The following AGBL5 variants were observed in gnomAD, a reference collection of about 807,000 sequenced individuals.
The protein encoded by AGBL5 is cytosolic carboxypeptidase-like protein 5.
AGBL5 carries 51 observed loss-of-function variants against 88.0 expected under a neutral mutation model. That is an observed-to-expected ratio of 0.58 (90% CI 0.46 to 0.73). The LOEUF (loss-of-function observed/expected upper bound fraction) is 0.73, where lower values mean the gene tolerates loss of function less well. Among genes scored for constraint, AGBL5 ranks in the 30% least tolerant of loss-of-function variants. The pLI is 0.00. For synonymous variants in AGBL5, 446 were observed against 438.8 expected (o/e 1.02, Z -0.21); for missense variants, 1,031 against 1,162.2 (o/e 0.89, Z 1.64).
intron 11 of AGBL5, among the ~76,000 whole-genome samples, chr2:27,066,602 G>A (rs1208432968): frequency 6.6e-6 from 1 of 152,126 alleles, no homozygotes; most frequent in Non-Finnish European, 1.5e-5. Context: ...AGTGGTAAGA[G>A]GGGAACCAAG....
In AGBL5 at chr2:27,053,180, G is replaced by A. The variant is rs777432130; in HGVS notation, c.215+7G>A. The A allele has an allele frequency of 3.8e-6, 6 of 1,576,004 alleles. No homozygotes were observed. The highest frequency in any genetic ancestry group is 1.7e-4 in the Middle Eastern group (1 of 5,906). The stretch of plus-strand genomic sequence containing the variant: ...AATTTGAGAATGGGAACAGGTATAT[G>A]GAACGAAATGGAGGGTGGAAAAAGG... On this transcript the variant is annotated splice_region_variant and intron_variant, in intron 2 of 14. Coordinates refer to ENST00000360131, the MANE Select transcript of AGBL5 (RefSeq NM_021831.6). This position sits in a 1 kb window ranked among gnomAD's most constrained non-coding sequence, Gnocchi z 4.9.
At chr2:27,051,169 G>A (rs999425227), upstream of AGBL5, 14 of 152,272 alleles carry the variant, frequency 9.2e-5, no homozygotes, top group African/African-American at 1.9e-4. Flanking sequence ...TCAGTGAACA[G>A]TGCAGTGAAC....
rs11295283 is a variant in AGBL5, at chr2:27,062,119, C to CTT, written c.2089+2735_2089+2736dup. Among the ~76,000 whole-genome samples the CTT allele has an allele frequency of 9.3e-4, 83 of 88,842 alleles. 1 individual carries two copies. The highest frequency in any genetic ancestry group is 2.3e-3 in the Admixed American group (18 of 7,882). 58.3% of individuals were successfully genotyped at this position (88,842 alleles called of 152,430 possible). A position where few individuals can be genotyped will look rare whatever the true frequency, so the allele number is the denominator to read the frequency against. ...CATGAACCACTGTGCCCATCTAGGC[C>CTT]TTTTTTTTTTTTTTTTTTTTTGAGA... is the stretch of plus-strand genomic sequence containing the variant. On this transcript the variant is annotated intron_variant, in intron 11 of 14. Transcript: ENST00000360131.
Position 27,055,685 on chromosome 2 carries a change from A to C in AGBL5, c.912A>C (p.Thr304=). The stretch of plus-strand genomic sequence containing the variant: ...TTCAGTCCTTGTTTTCCTACAGCAC[A>C]GACTCACGTGGAGTGAATCTGAACC... ...PDGVVRGHYR[T]DSRGVNLNRQ... Residue 304 remains threonine, a synonymous_variant, in exon 7 of 15, where the codon ACA becomes ACC. Coordinates refer to ENST00000360131, the MANE Select transcript of AGBL5 (RefSeq NM_021831.6). The C allele has an allele frequency of 6.2e-7, 1 of 1,611,576 alleles. No individual in the cohort carries two copies. The highest frequency in any genetic ancestry group is 1.1e-5 in the South Asian group (1 of 91,038).
chr2:27,069,817 C>T (rs1247749349), intron 14 of AGBL5, 111 bp downstream of exon 14: 1 of 1,489,914 alleles, frequency 6.7e-7, no homozygotes, highest in Non-Finnish European at 8.9e-7. Flanking sequence ...AGCACAAAGA[C>T]TAAATGTACT....
intron 11 of AGBL5, chr2:27,062,744 T>C (rs988527971): frequency 2.0e-5 from 3 of 152,056 alleles, no homozygotes; most frequent in Non-Finnish European, 4.4e-5. Flanking sequence ...ATTTGAAAAA[T>C]AGGTAAGACA....
chr2:27,055,976 T>C lies in AGBL5; in HGVS notation c.1203T>C (p.Ser401=), dbSNP rs1668409569. 1 of 1,614,210 alleles carries C rather than the reference T, an allele frequency of 6.2e-7. No individual in the cohort carries two copies. The highest frequency in any genetic ancestry group is 8.5e-7 in the Non-Finnish European group (1 of 1,180,036). The part of the protein sequence containing the change: ...QTEPAEQKLN[S]VWIMPQQSAG... ...AGCCAGCAGAACAGAAGCTCAACAG[T>C]GTGTGGATTATGCCACAACAGTCTG... Residue 401 remains serine, a synonymous_variant, in exon 7 of 15, where the codon AGT becomes AGC. Transcript: ENST00000360131.
intron 12 of AGBL5, 48 bp downstream of exon 12, chr2:27,067,694 G>A: frequency 1.3e-6 from 2 of 1,596,326 alleles, no homozygotes; most frequent in Non-Finnish European, 8.6e-7. Context: ...CCTCCTCCAT[G>A]GCCAGGCCAG....
upstream of AGBL5, chr2:27,051,064 C>G (rs1668088595): frequency 6.6e-6 from 1 of 152,238 alleles, no homozygotes; most frequent in African/African-American, 2.4e-5. Flanking sequence ...TGCTTAAGCA[C>G]ACGATTATAT....
intron 13 of AGBL5, 61 bp downstream of exon 13, chr2:27,068,805 C>G: frequency 6.3e-7 from 1 of 1,597,550 alleles, no homozygotes; most frequent in East Asian, 2.2e-5. Context: ...CACTGTTCCT[C>G]TGGGTAGTGG....
At position 27,069,494 on chromosome 2, in the gene AGBL5, A is replaced by G. The variant is rs1669168226; in HGVS notation, c.2356-79A>G. 1.1e-5 allele frequency: 18 copies of G among 1,570,292 alleles called. 1 individual carries two copies. The highest frequency in any genetic ancestry group is 6.8e-5 in the East Asian group (3 of 44,318). ...TCCCTATACTACAACACTCTTATGC[A>G]TGGAAACTCTAGAAGCAAACTAAAA... On this transcript the variant is annotated intron_variant, in intron 13 of 14. Coordinates refer to ENST00000360131, the MANE Select transcript of AGBL5 (RefSeq NM_021831.6).
Position 27,055,696 on chromosome 2 carries a change from G to A in AGBL5, c.923G>A (p.Gly308Glu). The A allele has an allele frequency of 6.2e-7, 1 of 1,613,316 alleles. No homozygotes were observed. The highest frequency in any genetic ancestry group is 8.5e-7 in the Non-Finnish European group (1 of 1,179,512). ...VRGHYRTDSRGVNLNRQYLKP... is the reference protein window; with the variant it reads ...VRGHYRTDSREVNLNRQYLKP... ...TTTTCCTACAGCACAGACTCACGTG[G>A]AGTGAATCTGAACCGTCAGTACCTG... Residue 308 changes from glycine (G) to glutamate (E), a missense_variant, in exon 7 of 15, where the codon GGA (glycine) becomes GAA (glutamate). This residue lies in a region of AGBL5 where 540 missense variants were observed against 678.2 expected (regional missense o/e 0.80). Coordinates refer to ENST00000360131, the MANE Select transcript of AGBL5 (RefSeq NM_021831.6).
At chr2:27,057,607 A>T (rs1668502790) in intron 9 of AGBL5, among the ~76,000 whole-genome samples, 169 bp downstream of exon 9, 2 of 152,256 alleles carry the variant, frequency 1.3e-5, no homozygotes, top group African/African-American at 4.8e-5. Context: ...CAACTGTAAT[A>T]GTATTGAAAG....
chr2:27,062,025 G>A (rs950752834), intron 11 of AGBL5, among the ~76,000 whole-genome samples: 2 of 151,842 alleles, frequency 1.3e-5, no homozygotes, highest in African/African-American at 4.8e-5. Context: ...TGTTCGCTAG[G>A]CTGGTCTTGA....
In AGBL5 at chr2:27,056,807, G is replaced by A; in HGVS notation, c.1535+15G>A. On this transcript the variant is annotated intron_variant, in intron 8 of 14. Coordinates refer to ENST00000360131, the MANE Select transcript of AGBL5 (RefSeq NM_021831.6). ...ATAATCCACAGGTTGGGTGGAAGCT[G>A]AGATATAGTTGATGAAATAGCTTCC... 6.3e-7 allele frequency: 1 copy of A among 1,581,832 alleles called. No homozygotes were observed. Among genetic ancestry groups the A allele is most frequent in the Non-Finnish European group, 8.6e-7 (1 of 1,160,152 alleles).
In AGBL5 at chr2:27,058,453, GC is replaced by G. The variant is rs1274947301; in HGVS notation, c.1729del (p.Arg577GlufsTer18). The G allele has an allele frequency of 6.2e-7, 1 of 1,613,938 alleles. No individual in the cohort carries two copies. Among genetic ancestry groups the G allele is most frequent in the South Asian group, 1.1e-5 (1 of 91,068 alleles). On this transcript the variant is annotated frameshift_variant, in exon 10 of 15. Transcript: ENST00000360131. LOFTEE classifies it high-confidence loss of function. ...ALDMAECNPW[P>X]RIVLSEHSSL... ...TGGACATGGCGGAATGTAATCCGTG[GC>G]CCCGAATTGTACTGTCAGAGCACAG...
intron 7 of AGBL5, 35 bp downstream of exon 7, chr2:27,056,173 A>C (rs1435049075): frequency 6.3e-7 from 1 of 1,593,872 alleles, no homozygotes; most frequent in Non-Finnish European, 8.6e-7. Context: ...GAGTGTGAGA[A>C]GTGTTACAGG....
intron 10 of AGBL5, among the ~76,000 whole-genome samples, chr2:27,058,888 A>C (rs1271839551): frequency 6.6e-6 from 1 of 152,246 alleles, no homozygotes; most frequent in Non-Finnish European, 1.5e-5. Flanking sequence ...GGCAGGCCTC[A>C]GCTTCCAAGG....
Position 27,053,283 on chromosome 2 carries a change from C to A in AGBL5, c.215+110C>A, listed in dbSNP as rs1668266911. ...TACTCCCTGTCCATTTCTGACCCAT[C>A]GTCCCTCCTTTCTCCTTGCCAAATA... On this transcript the variant is annotated intron_variant, in intron 2 of 14. Transcript: ENST00000360131. This position sits in a 1 kb window ranked among gnomAD's most constrained non-coding sequence, Gnocchi z 4.9. 6.6e-7 allele frequency: 1 copy of A among 1,518,576 alleles called. No homozygotes were observed. The highest frequency in any genetic ancestry group is 2.3e-5 in the East Asian group (1 of 44,050). 94.1% of individuals were successfully genotyped at this position (1,518,576 alleles called of 1,614,324 possible).
Sources: allele counts gnomAD v4.1 joint callset (sites outside exome capture counted in the v4.1 genomes callset), GRCh38; gene constraint gnomAD v4.1.1; regional missense constraint gnomAD v4.1.1; non-coding constraint Gnocchi (gnomAD v3.1); transcripts MANE v1.5; gene names NCBI Gene and HGNC (gene_info 2026-07-23, HGNC 2026-07-21).